Variants in SAA2 observed in about 807,000 individuals in gnomAD.
The protein encoded by SAA2 is serum amyloid A-2 protein.
SAA2 carries 5 observed loss-of-function variants against 9.1 expected under a neutral mutation model. The ratio of observed to expected loss-of-function variants is 0.55; its 90% CI spans 0.29 to 1.16. The LOEUF is 1.16. SAA2 is among the 50% of genes most tolerant of loss of function. SAA2 has a pLI of 0.09. For synonymous variants in SAA2, 49 were observed against 59.8 expected (o/e 0.82, Z 0.83); for missense variants, 94 against 153.8 (o/e 0.61, Z 2.06).
chr11:18,242,109 G>C (rs925100986), downstream of SAA2: 13 of 152,136 alleles, frequency 8.5e-5, no homozygotes, highest in African/African-American at 3.1e-4. Context: ...CAGGGTTCTT[G>C]AGAGACACAG....
chr11:18,239,935 C>G (rs1857293432), exon 4 of SAA2: 1 of 1,549,878 alleles, frequency 6.5e-7, no homozygotes, highest in African/African-American at 1.4e-5. Flanking sequence ...AAAAAGGCTT[C>G]TTCCTTCACT....
chr11:18,245,296 G>T lies in SAA2; in HGVS notation c.*81C>A. 1 of 1,585,286 alleles carries T rather than the reference G, an allele frequency of 6.3e-7. No homozygotes were observed. The highest frequency in any genetic ancestry group is 8.6e-7 in the Non-Finnish European group (1 of 1,164,168). ...TTATATGCCATATCTCAGCTTCTCT[G>T]GACATAGACCTCACTAACTTTGTAT... On this transcript the variant is annotated 3_prime_UTR_variant, in exon 4 of 4. Coordinates refer to ENST00000256733, the MANE Select transcript of SAA2 (RefSeq NM_030754.5).
chr11:18,245,560 G>A (rs2134142081), intron 3 of SAA2, 45 bp from the exon 4 acceptor site: 2 of 1,607,466 alleles, frequency 1.2e-6, no homozygotes, highest in East Asian at 4.5e-5. Flanking sequence ...TCAGGCCAGT[G>A]AGCAACAGCT....
downstream of SAA2, chr11:18,242,544 C>T: frequency 6.2e-6 from 3 of 482,584 alleles, no homozygotes; most frequent in African/African-American, 2.0e-5. Context: ...CAAACCGACA[C>T]AAAAATAAAT....
downstream of SAA2, chr11:18,242,758 A>T (rs775638882): frequency 7.1e-6 from 5 of 700,320 alleles, no homozygotes; most frequent in Non-Finnish European, 1.3e-5. Context: ...AAGTGGGAGG[A>T]TCTCTTGAGC....
intron 3 of SAA2, 40 bp from the exon 4 acceptor site, chr11:18,245,555 C>T (rs1383923202): frequency 1.2e-6 from 2 of 1,609,354 alleles, no homozygotes; most frequent in South Asian, 2.2e-5. Context: ...AATCATCAGG[C>T]CAGTGAGCAA....
At chr11:18,242,207 G>C (rs751931967), downstream of SAA2, 1 of 152,166 alleles carries the variant, frequency 6.6e-6, no homozygotes, top group East Asian at 1.9e-4. Flanking sequence ...GAAGTCCCAC[G>C]ATCTGCCCTC....
downstream of SAA2, chr11:18,242,660 A>T (rs1230425554): frequency 1.6e-6 from 1 of 629,198 alleles, no homozygotes; most frequent in Admixed American, 2.3e-5. Context: ...AGCCTGGGTG[A>T]CACGGCGAAA....
At chr11:18,244,209 G>C (rs1483259396), downstream of SAA2, among the ~76,000 whole-genome samples, 1 of 152,232 alleles carries the variant, frequency 6.6e-6, no homozygotes, top group Non-Finnish European at 1.5e-5. Flanking sequence ...CATGCTGTGA[G>C]TTGGGGTTTC....
intron 2 of SAA2, 110 bp from the exon 3 acceptor site, chr11:18,246,158 A>G: frequency 1.4e-6 from 2 of 1,480,628 alleles, no homozygotes; most frequent in South Asian, 1.2e-5. Context: ...TCAAGCTTTC[A>G]GCCTGTGATC....
chr11:18,246,622 C>T (rs565846107), intron 2 of SAA2, among the ~76,000 whole-genome samples: 11 of 152,218 alleles, frequency 7.2e-5, no homozygotes, highest in African/African-American at 1.2e-4. Context: ...ACTTCCGCTT[C>T]CCGGGTTCAA....
downstream of SAA2, among the ~76,000 whole-genome samples, chr11:18,244,178 G>A (rs1857430872): frequency 6.6e-6 from 1 of 152,216 alleles, no homozygotes; most frequent in Non-Finnish European, 1.5e-5. Context: ...AGCTTGGGCT[G>A]CTGTAACAAA....
downstream of SAA2, chr11:18,242,842 G>A (rs1000564520): frequency 2.9e-6 from 2 of 701,258 alleles, no homozygotes; most frequent in Admixed American, 2.0e-5. Flanking sequence ...GGGAGATGCT[G>A]TCTCAAATAA....
downstream of SAA2, chr11:18,240,255 T>C (rs1198417734): frequency 1.4e-6 from 1 of 703,288 alleles, no homozygotes; most frequent in East Asian, 2.7e-5. Context: ...AAAAAGTCCA[T>C]CCAGTTGTGG....
In SAA2 at chr11:18,245,374, AG is replaced by A; in HGVS notation, c.*2del. The A allele has an allele frequency of 1.2e-6, 2 of 1,614,154 alleles. No individual in the cohort carries two copies. Among genetic ancestry groups the A allele is most frequent in the Non-Finnish European group, 1.7e-6 (2 of 1,180,026 alleles). On this transcript the variant is annotated 3_prime_UTR_variant, in exon 4 of 4. Coordinates refer to ENST00000256733, the MANE Select transcript of SAA2 (RefSeq NM_030754.5). The stretch of plus-strand genomic sequence containing the variant: ...TCTCCTGAGAGCAGAGTGAAGAGGA[AG>A]CTCAGTATTTCTCAGGCAGGCCAGC...
At chr11:18,240,020 A>G in intron 3 of SAA2, 2 of 1,547,498 alleles carry the variant, frequency 1.3e-6, no homozygotes, top group East Asian at 2.4e-5. Context: ...GTATTTTAAC[A>G]TGCAAGGGGG....
Position 18,245,345 on chromosome 11 carries a change from C to T in SAA2, c.*32G>A, listed in dbSNP as rs1857471173. On this transcript the variant is annotated 3_prime_UTR_variant, in exon 4 of 4. Coordinates refer to ENST00000256733, the MANE Select transcript of SAA2 (RefSeq NM_030754.5). ...ATCCCTGCCCCGAGGGCCTCATAGC[C>T]AGGTCTCCTGAGAGCAGAGTGAAGA... 2 of 1,613,094 alleles carry T rather than the reference C, an allele frequency of 1.2e-6. No homozygotes were observed. The highest frequency in any genetic ancestry group is 1.7e-6 in the Non-Finnish European group (2 of 1,179,452).
Position 18,245,588 on chromosome 11 carries a change from C to A in SAA2, c.231-73G>T, listed in dbSNP as rs56373142. 6.1e-5 allele frequency: 96 copies of A among 1,575,752 alleles called. No individual in the cohort carries two copies. In the East Asian group the frequency reaches 1.2e-3, roughly 20 times the overall value. On this transcript the variant is annotated intron_variant, in intron 3 of 3. Transcript: ENST00000256733. Reference sequence around the variant, plus strand: ...CAACAGCTCACCCTCCCATTCTCCCCGTTCCAAGGGAGGGCTCAGAGAGGA... The same window carrying A: ...CAACAGCTCACCCTCCCATTCTCCCAGTTCCAAGGGAGGGCTCAGAGAGGA...
chr11:18,244,175 G>C (rs1857430634), downstream of SAA2, among the ~76,000 whole-genome samples: 1 of 152,154 alleles, frequency 6.6e-6, no homozygotes, highest in African/African-American at 2.4e-5. Flanking sequence ...ATCAGCTTGG[G>C]CTGCTGTAAC....
Sources: allele counts gnomAD v4.1 joint callset (sites outside exome capture counted in the v4.1 genomes callset), GRCh38; gene constraint gnomAD v4.1.1; transcripts MANE v1.5; gene names NCBI Gene and HGNC (gene_info 2026-07-23, HGNC 2026-07-21).